The following KLHL24 variants were observed in gnomAD, a reference collection of about 807,000 sequenced individuals.
The protein encoded by KLHL24 is kelch like family member 24, also known as kelch-like protein 24.
Under a neutral mutation model 53.4 loss-of-function variants are expected in KLHL24, and 29 were observed. The ratio of observed to expected loss-of-function variants is 0.54; its 90% CI spans 0.40 to 0.74. KLHL24 has a LOEUF of 0.74. Ranked by LOEUF, KLHL24 falls within the 30% of genes least tolerant of loss-of-function variation. KLHL24 has a pLI of 0.00. For synonymous variants in KLHL24, 222 were observed against 253.7 expected (o/e 0.88, Z 1.19); for missense variants, 504 against 744.0 (o/e 0.68, Z 3.75).
In KLHL24 at chr3:183,650,263, CA is replaced by C; in HGVS notation, c.-61-32del. 1.1e-6 allele frequency: 1 copy of C among 884,452 alleles called. No homozygotes were observed. The highest frequency in any genetic ancestry group is 2.3e-4 in the Middle Eastern group (1 of 4,304). The allele number at this position is 884,452 out of a possible 1,614,324, so 54.8% of individuals were successfully genotyped here. On this transcript the variant is annotated intron_variant, in intron 2 of 7. Transcript: ENST00000242810. This position sits in a 1 kb window ranked among gnomAD's most constrained non-coding sequence, Gnocchi z 4.5. ...TGTGATTTGAATACTGAATTTTTTG[CA>C]TATTGAAATGTTTTCCTTTTTTTAC...
At chr3:183,665,356 C>T (rs539469019) in intron 5 of KLHL24, among the ~76,000 whole-genome samples, 7 of 152,200 alleles carry the variant, frequency 4.6e-5, no homozygotes, top group African/African-American at 9.7e-5. Context: ...GTCTAACCCA[C>T]GCAGTTTGTT....
intron 2 of KLHL24, among the ~76,000 whole-genome samples, chr3:183,646,065 T>TA (rs1717184815): frequency 4.6e-5 from 7 of 151,888 alleles, no homozygotes; most frequent in African/African-American, 1.7e-4. Flanking sequence ...GTTTTTTTTT[T>TA]AACTTAGAAA....
At chr3:183,662,852 A>G (rs1719998764) in intron 3 of KLHL24, among the ~76,000 whole-genome samples, 1 of 152,146 alleles carries the variant, frequency 6.6e-6, no homozygotes, top group African/African-American at 2.4e-5. Flanking sequence ...ACAGTTTTTC[A>G]TCTTGCTTTT....
intron 2 of KLHL24, among the ~76,000 whole-genome samples, chr3:183,645,715 T>A (rs6809769): frequency 6.6e-6 from 1 of 152,056 alleles, no homozygotes; most frequent in Admixed American, 6.5e-5. Context: ...CTCAGGCAAG[T>A]CTGTTACCTA....
intron 3 of KLHL24, among the ~76,000 whole-genome samples, chr3:183,656,035 A>ATTTTTT (rs1164537420): frequency 2.9e-5 from 3 of 104,440 alleles, no homozygotes; most frequent in African/African-American, 4.4e-5. Context: ...TGCCCTTAGC[A>ATTTTTT]TCTTTTTTTT....
At chr3:183,640,605 T>C (rs1716253997) in intron 1 of KLHL24, among the ~76,000 whole-genome samples, 1 of 67,762 alleles carries the variant, frequency 1.5e-5, no homozygotes, top group South Asian at 3.3e-4. Flanking sequence ...TTTTTCTTTT[T>C]TTTTTTTTTT....
At chr3:183,641,487 A>AAAAAG in intron 1 of KLHL24, among the ~76,000 whole-genome samples, 1 of 152,060 alleles carries the variant, frequency 6.6e-6, no homozygotes, top group African/African-American at 2.4e-5. Flanking sequence ...AAAAAAAAAA[A>AAAAAG]AAAAAAAGAT....
Position 183,638,456 on chromosome 3 carries a change from A to T in KLHL24, c.-125+2663A>T, listed in dbSNP as rs544398674. Among the ~76,000 whole-genome samples, 30 of 145,378 alleles carry T rather than the reference A, an allele frequency of 2.1e-4. No individual in the cohort carries two copies. The East Asian group carries it at 5.6e-3, about 27-fold the overall frequency. On this transcript the variant is annotated intron_variant, in intron 1 of 7. Transcript: ENST00000242810. ...CCACAGTTATTTTTGTCTATTTGACAAAAATTTGGGACACTTTTTTCAATA... is the reference window on the plus strand; with the variant it reads ...CCACAGTTATTTTTGTCTATTTGACTAAAATTTGGGACACTTTTTTCAATA...
Position 183,675,152 on chromosome 3 carries a change from T to C in KLHL24, c.1602+2668T>C, listed in dbSNP as rs1343549810. The stretch of plus-strand genomic sequence containing the variant: ...TTTATTTCTGCATAGTAAATATATA[T>C]ATATTGAATAAGTAAACAAATGAGG... On this transcript the variant is annotated intron_variant, in intron 7 of 7. Coordinates refer to ENST00000242810, the MANE Select transcript of KLHL24 (RefSeq NM_017644.3). Among the ~76,000 whole-genome samples the C allele has an allele frequency of 3.3e-5, 5 of 152,220 alleles. No individual in the cohort carries two copies. The East Asian group carries it at 5.8e-4, about 18-fold the overall frequency.
intron 3 of KLHL24, among the ~76,000 whole-genome samples, chr3:183,657,244 G>A (rs1312885211): frequency 6.6e-6 from 1 of 152,088 alleles, no homozygotes; most frequent in African/African-American, 2.4e-5. Context: ...CACTAAACTG[G>A]GCAAGTGTCT....
At chr3:183,636,704 G>C (rs1358147509) in intron 1 of KLHL24, 1 of 152,284 alleles carries the variant, frequency 6.6e-6, no homozygotes, top group Non-Finnish European at 1.5e-5. Flanking sequence ...TTGTCACTAG[G>C]TGGGCCTGCC....
At chr3:183,677,345 T>C (rs1296861379) in intron 7 of KLHL24, among the ~76,000 whole-genome samples, 1 of 152,216 alleles carries the variant, frequency 6.6e-6, no homozygotes, top group African/African-American at 2.4e-5. Context: ...GCGCTTATTG[T>C]GCTTTAAATG....
In KLHL24 at chr3:183,643,480, G is replaced by A. The variant is rs951758364; in HGVS notation, c.-124G>A. ...TGTTGCTATTCTTTCTTTATTTTAG[G>A]TGTGGAAATTAAAAGAACACACATA... On this transcript the variant is annotated splice_region_variant and 5_prime_UTR_variant, in exon 2 of 8. It adds an upstream start codon to the 5' untranslated region. Transcript: ENST00000242810. The A allele has an allele frequency of 2.0e-5, 3 of 152,146 alleles. No individual in the cohort carries two copies. The highest frequency in any genetic ancestry group is 7.2e-5 in the African/African-American group (3 of 41,418). The allele number at this position is 152,146 out of a possible 1,614,324, so 9.4% of individuals were successfully genotyped here. A position where few individuals can be genotyped will look rare whatever the true frequency, so the allele number is the denominator to read the frequency against.
At position 183,663,013 on chromosome 3, in the gene KLHL24, A is replaced by G; in HGVS notation, c.921-445A>G. Among the ~76,000 whole-genome samples, 1 of 152,184 alleles carries G rather than the reference A, an allele frequency of 6.6e-6. No individual in the cohort carries two copies. Among genetic ancestry groups the G allele is most frequent in the East Asian group, 1.9e-4 (1 of 5,196 alleles). ...TATTCCTTTAAAGGGTGCTTGGATT[A>G]TACTATGAATTAGTTTTTTAGAACT... On this transcript the variant is annotated intron_variant, in intron 3 of 7. Transcript: ENST00000242810. This position sits in a 1 kb window ranked among gnomAD's most constrained non-coding sequence, Gnocchi z 4.9.
intron 7 of KLHL24, among the ~76,000 whole-genome samples, chr3:183,674,219 T>C (rs376238386): frequency 1.3e-5 from 2 of 151,880 alleles, no homozygotes; most frequent in East Asian, 3.9e-4. Context: ...TAATAGCTTG[T>C]CTTGCTAGCT....
intron 1 of KLHL24, among the ~76,000 whole-genome samples, chr3:183,639,828 AC>A (rs1488331237): frequency 6.8e-6 from 1 of 148,110 alleles, no homozygotes; most frequent in East Asian, 2.0e-4. Flanking sequence ...ACATAGTGAA[AC>A]CCCCATCTCC....
At position 183,682,841 on chromosome 3, in the gene KLHL24, A is replaced by T. The variant is rs569289860; in HGVS notation, c.*3555A>T. ...ATTTTTTAAATTGCTGTGAGAACCC[A>T]TATATGAAAAGAGAGGAGTTGAATT... On this transcript the variant is annotated 3_prime_UTR_variant, in exon 8 of 8. Transcript: ENST00000242810. 4 of 152,414 alleles carry T rather than the reference A, an allele frequency of 2.6e-5. No homozygotes were observed. The highest frequency in any genetic ancestry group is 2.6e-4 in the Admixed American group (4 of 15,266). 9.4% of individuals were successfully genotyped at this position (152,414 alleles called of 1,614,324 possible).
At position 183,651,214 on chromosome 3, in the gene KLHL24, T is replaced by C; in HGVS notation, c.858T>C (p.His286=). The change falls in exon 3 of 8, where the codon CAT becomes CAC. Residue 286 remains histidine, a synonymous_variant. Transcript: ENST00000242810. ...CTCCTGAGTGTTATCAGTTGTTGCA[T>C]GAAGCAAGACGGTACCACATACTTG... The part of the protein sequence containing the change: ...QNSPECYQLL[H]EARRYHILGN... 1 of 1,614,182 alleles carries C rather than the reference T, an allele frequency of 6.2e-7. No individual in the cohort carries two copies. The highest frequency in any genetic ancestry group is 1.1e-5 in the South Asian group (1 of 91,086).
chr3:183,673,784 T>C (rs1381637779), intron 7 of KLHL24, among the ~76,000 whole-genome samples: 1 of 152,156 alleles, frequency 6.6e-6, no homozygotes, highest in Non-Finnish European at 1.5e-5. Flanking sequence ...TTCTACCCAG[T>C]CCTTAAATAT....
Sources: allele counts gnomAD v4.1 joint callset (sites outside exome capture counted in the v4.1 genomes callset), GRCh38; gene constraint gnomAD v4.1.1; non-coding constraint Gnocchi (gnomAD v3.1); transcripts MANE v1.5; gene names NCBI Gene and HGNC (gene_info 2026-07-23, HGNC 2026-07-21).